NR6A1: variants seen among roughly 807,000 people sequenced by gnomAD.
NR6A1 encodes retinoic acid receptor-related testis-associated receptor.
NR6A1 carries 7 observed loss-of-function variants against 59.1 expected under a neutral mutation model. The observed-to-expected ratio is 0.12, with a 90% CI of 0.07 to 0.22. The LOEUF (loss-of-function observed/expected upper bound fraction) is 0.22, where lower values mean the gene tolerates loss of function less well. Ranked by LOEUF, NR6A1 falls within the 10% of genes least tolerant of loss-of-function variation. The pLI, the probability that NR6A1 is intolerant of heterozygous loss-of-function variation, is 1.00. For synonymous variants in NR6A1, 243 were observed against 236.1 expected (o/e 1.03, Z -0.27); for missense variants, 468 against 611.6 (o/e 0.77, Z 2.48).
At chr9:124,711,475 C>T (rs1157415278) in intron 2 of NR6A1, among the ~76,000 whole-genome samples, 3 of 151,434 alleles carry the variant, frequency 2.0e-5, no homozygotes, top group Non-Finnish European at 4.4e-5. Flanking sequence ...TTCACAAACA[C>T]TCCTTTATCC....
intron 2 of NR6A1, chr9:124,598,947 G>A: frequency 1.4e-6 from 1 of 708,042 alleles, no homozygotes; most frequent in South Asian, 1.5e-5. Context: ...ACTCAGGCAT[G>A]GTCATTACCC....
At position 124,645,635 on chromosome 9, in the gene NR6A1, A is replaced by G. The variant is rs1360689921; in HGVS notation, c.142+87673T>C. Among the ~76,000 whole-genome samples the G allele has an allele frequency of 2.6e-5, 4 of 152,352 alleles. No individual in the cohort carries two copies. The East Asian group carries it at 7.7e-4, about 29-fold the overall frequency. On this transcript the variant is annotated intron_variant, in intron 2 of 9. Coordinates refer to ENST00000487099, the MANE Select transcript of NR6A1 (RefSeq NM_033334.4). ...ATGCACCTAGTAACAGAATGTCAAAATACCTGAAGCAAAACCTGATAGAAC... is the reference window on the plus strand; with the variant it reads ...ATGCACCTAGTAACAGAATGTCAAAGTACCTGAAGCAAAACCTGATAGAAC...
chr9:124,570,347 T>C (rs1428242366), intron 2 of NR6A1, among the ~76,000 whole-genome samples: 1 of 152,198 alleles, frequency 6.6e-6, no homozygotes, highest in Non-Finnish European at 1.5e-5. Flanking sequence ...CAAAATAAAC[T>C]TCTAACTTGA....
intron 2 of NR6A1, among the ~76,000 whole-genome samples, chr9:124,588,642 C>G (rs1364776356): frequency 6.8e-6 from 1 of 146,600 alleles, no homozygotes; most frequent in Non-Finnish European, 1.5e-5. Flanking sequence ...GTTCCTGGCC[C>G]GGCGTGGTGG....
At chr9:124,581,534 G>C (rs1834767279) in intron 2 of NR6A1, among the ~76,000 whole-genome samples, 9 of 152,170 alleles carry the variant, frequency 5.9e-5, no homozygotes, top group Admixed American at 5.9e-4. Flanking sequence ...GGAGGTTGCA[G>C]TGAGCCGAGA....
chr9:124,657,750 C>G (rs184504265), intron 2 of NR6A1, among the ~76,000 whole-genome samples: 132 of 152,160 alleles, frequency 8.7e-4, no homozygotes, highest in Middle Eastern at 3.4e-3. Context: ...TTCCCCCCCC[C>G]AGCAACCCCT....
intron 3 of NR6A1, among the ~76,000 whole-genome samples, chr9:124,546,741 G>A (rs149142112): frequency 1.3e-5 from 2 of 152,362 alleles, no homozygotes; most frequent in East Asian, 1.9e-4. Context: ...CACCTGAAGT[G>A]TGGAAATCAA....
At chr9:124,661,847 G>A (rs1326220842) in intron 2 of NR6A1, among the ~76,000 whole-genome samples, 2 of 152,102 alleles carry the variant, frequency 1.3e-5, no homozygotes, top group Non-Finnish European at 2.9e-5. Context: ...CACATTTCAA[G>A]CACTCAATAG....
intron 2 of NR6A1, among the ~76,000 whole-genome samples, chr9:124,636,022 G>A (rs116375477): frequency 1.1e-3 from 169 of 152,290 alleles, no homozygotes; most frequent in African/African-American, 3.4e-3. Context: ...ATTTGTTGTC[G>A]TCAGTATTCT....
intron 2 of NR6A1, among the ~76,000 whole-genome samples, chr9:124,600,474 TA>T (rs1297470109): frequency 6.6e-6 from 1 of 152,190 alleles, no homozygotes; most frequent in Non-Finnish European, 1.5e-5. Context: ...GATTGGAAAC[TA>T]AAATAAAATA....
rs1267763981 is a variant in NR6A1, at chr9:124,517,649, G to C, written c.*5056C>G. 1 of 152,240 alleles carries C rather than the reference G, an allele frequency of 6.6e-6. No homozygotes were observed. Among genetic ancestry groups the C allele is most frequent in the Non-Finnish European group, 1.5e-5 (1 of 68,086 alleles). The allele number at this position is 152,240 out of a possible 1,614,324, so 9.4% of individuals were successfully genotyped here. A position where few individuals can be genotyped will look rare whatever the true frequency, so the allele number is the denominator to read the frequency against. ...GTGTGCCACTAGAGCCCTTAAAGGT[G>C]GTGTCTGTGGGAGTGGTGCTCCCTA... On this transcript the variant is annotated 3_prime_UTR_variant, in exon 10 of 10. Transcript: ENST00000487099.
intron 2 of NR6A1, among the ~76,000 whole-genome samples, chr9:124,669,527 T>C (rs1234636278): frequency 2.0e-5 from 3 of 152,336 alleles, no homozygotes; most frequent in Non-Finnish European, 2.9e-5. Context: ...TGCCTACCTG[T>C]TGAAATATCA....
rs573554619 is a variant in NR6A1, at chr9:124,696,948, G to A, written c.142+36360C>T. Among the ~76,000 whole-genome samples, 20 of 152,290 alleles carry A rather than the reference G, an allele frequency of 1.3e-4. No individual in the cohort carries two copies. The South Asian group carries it at 1.7e-3, about 13-fold the overall frequency. On this transcript the variant is annotated intron_variant, in intron 2 of 9. Coordinates refer to ENST00000487099, the MANE Select transcript of NR6A1 (RefSeq NM_033334.4). Reference sequence around the variant, plus strand: ...GTTGGGATTATAGGCGTGAGCCACCGCACCCGGCCTGAAATCTTTCTTCAC... The same window carrying A: ...GTTGGGATTATAGGCGTGAGCCACCACACCCGGCCTGAAATCTTTCTTCAC...
At chr9:124,696,520 CT>C (rs10625540) in intron 2 of NR6A1, among the ~76,000 whole-genome samples, 865 of 104,894 alleles carry the variant, frequency 8.2e-3, no homozygotes, top group Non-Finnish European at 0.012. Context: ...TGTTCTCTAG[CT>C]TTTTTTTTTT....
intron 1 of NR6A1, among the ~76,000 whole-genome samples, chr9:124,751,891 T>C (rs1465853527): frequency 6.6e-6 from 1 of 152,258 alleles, no homozygotes. Flanking sequence ...TTTTTTCTTT[T>C]AGTAACTAGT....
chr9:124,722,874 A>G (rs1270805544), intron 2 of NR6A1, among the ~76,000 whole-genome samples: 1 of 152,010 alleles, frequency 6.6e-6, no homozygotes, highest in African/African-American at 2.4e-5. Context: ...GTACACGCCT[A>G]GAGTCGGGGT....
At chr9:124,765,143 T>C (rs1840893759) in intron 1 of NR6A1, among the ~76,000 whole-genome samples, 1 of 152,242 alleles carries the variant, frequency 6.6e-6, no homozygotes, top group Non-Finnish European at 1.5e-5. Flanking sequence ...ATGGTTTATT[T>C]AGTATAAGAC....
rs753979294 is a variant in NR6A1, at chr9:124,524,870, A to G, written c.1205T>C (p.Ile402Thr). Residue 402 changes from isoleucine (I) to threonine (T), a missense_variant, in exon 9 of 10, where the codon ATC becomes ACC. By Grantham distance (89) the Ile-to-Thr change is moderately conservative (BLOSUM62 -1). Coordinates refer to ENST00000487099, the MANE Select transcript of NR6A1 (RefSeq NM_033334.4). Reference sequence around the variant, plus strand: ...CTGTGAGGCACTGGTCAGACCCCTGATATCTGTGGAAAAAAAAAAAACACA... The same window carrying G: ...CTGTGAGGCACTGGTCAGACCCCTGGTATCTGTGGAAAAAAAAAAAACACA... ...MKAINFLNQD[I>T]RGLTSASQLE... The G allele has an allele frequency of 6.9e-6, 11 of 1,597,140 alleles. No individual in the cohort carries two copies. Among genetic ancestry groups the G allele is most frequent in the East Asian group, 4.5e-5 (2 of 44,734 alleles).
At chr9:124,652,445 G>A (rs1212149323) in intron 2 of NR6A1, among the ~76,000 whole-genome samples, 1 of 152,112 alleles carries the variant, frequency 6.6e-6, no homozygotes, top group Non-Finnish European at 1.5e-5. Flanking sequence ...TCTGCAAAAT[G>A]AGGATAATAC....
Sources: allele counts gnomAD v4.1 joint callset (sites outside exome capture counted in the v4.1 genomes callset), GRCh38; gene constraint gnomAD v4.1.1; transcripts MANE v1.5; gene names NCBI Gene and HGNC (gene_info 2026-07-23, HGNC 2026-07-21).